The following KCNB2 variants were observed in gnomAD, a reference collection of about 807,000 sequenced individuals.
KCNB2 encodes potassium voltage-gated channel subfamily B member 2, also known as delayed rectifier potassium channel protein.
Under a neutral mutation model 61.5 loss-of-function variants are expected in KCNB2, and 15 were observed. The ratio of observed to expected loss-of-function variants is 0.24; its 90% confidence interval spans 0.16 to 0.38. KCNB2 has a LOEUF of 0.38. Among genes scored for constraint, KCNB2 ranks in the 10% least tolerant of loss-of-function variants. The pLI is 1.00. For missense variants in KCNB2, 828 were observed against 1,125.2 expected (o/e 0.74, Z 3.78); for synonymous variants, 457 against 446.0 (o/e 1.02, Z -0.31).
intron 2 of KCNB2, among the ~76,000 whole-genome samples, chr8:72,627,269 G>A (rs1805804670): frequency 1.3e-5 from 2 of 152,336 alleles, no homozygotes; most frequent in Admixed American, 6.5e-5. Flanking sequence ...TTTAGAGAAG[G>A]AGGTCACTAG....
chr8:72,658,022 C>T (rs1245748129), intron 2 of KCNB2, among the ~76,000 whole-genome samples: 4 of 152,058 alleles, frequency 2.6e-5, no homozygotes, highest in Non-Finnish European at 4.4e-5. Flanking sequence ...GAAATTAGGC[C>T]AATAGTAAAC....
chr8:72,704,312 A>G (rs1256667609), intron 2 of KCNB2, among the ~76,000 whole-genome samples: 2 of 152,142 alleles, frequency 1.3e-5, no homozygotes, highest in African/African-American at 2.4e-5. Context: ...ATCTCATTTA[A>G]TGAGTTGTGT....
At chr8:72,809,596 A>G (rs556540110) in intron 2 of KCNB2, among the ~76,000 whole-genome samples, 1 of 152,286 alleles carries the variant, frequency 6.6e-6, no homozygotes, top group Non-Finnish European at 1.5e-5. Context: ...CATCTTTAAA[A>G]CGAATCCATA....
At chr8:72,554,449 G>A (rs1400640622) in intron 1 of KCNB2, among the ~76,000 whole-genome samples, 5 of 152,084 alleles carry the variant, frequency 3.3e-5, no homozygotes, top group Non-Finnish European at 2.9e-5. Context: ...CAACTCACCA[G>A]TATTTATAGG....
At chr8:72,768,028 G>A (rs1034037213) in intron 2 of KCNB2, among the ~76,000 whole-genome samples, 1 of 152,134 alleles carries the variant, frequency 6.6e-6, no homozygotes, top group African/African-American at 2.4e-5. Context: ...GGAGAAAAGT[G>A]TATTCAAATC....
chr8:72,829,418 G>A (rs188302149), intron 2 of KCNB2, among the ~76,000 whole-genome samples: 1 of 152,190 alleles, frequency 6.6e-6, no homozygotes, highest in Non-Finnish European at 1.5e-5. Flanking sequence ...TCAGAAAGTT[G>A]TTCTTTGATT....
chr8:72,688,755 C>T (rs1418702034), intron 2 of KCNB2, among the ~76,000 whole-genome samples: 1 of 152,014 alleles, frequency 6.6e-6, no homozygotes, highest in African/African-American at 2.4e-5. Context: ...TAGACAAGGT[C>T]TCACTCTGTT....
intron 2 of KCNB2, among the ~76,000 whole-genome samples, chr8:72,640,722 T>G (rs564979604): frequency 6.6e-6 from 1 of 152,256 alleles, no homozygotes; most frequent in South Asian, 2.1e-4. Flanking sequence ...AATTATAGTT[T>G]ATAAACTATT....
rs185038254 is a variant in KCNB2, at chr8:72,767,980, T to C, written c.580-167955T>C. On this transcript the variant is annotated intron_variant, in intron 2 of 2. Transcript: ENST00000523207. The stretch of plus-strand genomic sequence containing the variant: ...CCCTAAGGGTTAATGATGTTTTACA[T>C]CGTTTCATGTGTTTATTGGCCTTTG... 2.1e-3 allele frequency among the ~76,000 whole-genome samples: 325 copies of C among 152,346 alleles called. 2 individuals are homozygous for C. The highest frequency in any genetic ancestry group is 7.6e-3 in the African/African-American group (315 of 41,580).
intron 2 of KCNB2, among the ~76,000 whole-genome samples, chr8:72,852,871 C>G (rs1237085074): frequency 6.6e-6 from 1 of 152,204 alleles, no homozygotes; most frequent in Non-Finnish European, 1.5e-5. Flanking sequence ...GTGATCATAA[C>G]ACTTTCTCAT....
intron 2 of KCNB2, among the ~76,000 whole-genome samples, chr8:72,869,146 G>A (rs1354489683): frequency 6.6e-6 from 1 of 152,170 alleles, no homozygotes; most frequent in African/African-American, 2.4e-5. Context: ...ATAAGAACTG[G>A]GGTATGGTTG....
At chr8:72,564,076 G>T (rs536141832) in intron 1 of KCNB2, among the ~76,000 whole-genome samples, 1 of 152,254 alleles carries the variant, frequency 6.6e-6, no homozygotes, top group South Asian at 2.1e-4. Flanking sequence ...TCTTATAATA[G>T]AAAGTTCTTG....
At chr8:72,758,209 A>G (rs1345571599) in intron 2 of KCNB2, among the ~76,000 whole-genome samples, 1 of 152,222 alleles carries the variant, frequency 6.6e-6, no homozygotes, top group African/African-American at 2.4e-5. Flanking sequence ...AGAAGATTCG[A>G]AAAGGAAGTT....
At chr8:72,604,872 A>G (rs560027457) in intron 2 of KCNB2, among the ~76,000 whole-genome samples, 1 of 152,324 alleles carries the variant, frequency 6.6e-6, no homozygotes, top group South Asian at 2.1e-4. Flanking sequence ...CTATCCATCA[A>G]TCATACCTTC....
chr8:72,891,026 G>A (rs1278451636), intron 2 of KCNB2, among the ~76,000 whole-genome samples: 2 of 152,232 alleles, frequency 1.3e-5, no homozygotes, highest in East Asian at 1.9e-4. Context: ...TTACATAAGC[G>A]AAGACTGAAT....
At chr8:72,553,138 T>C (rs1806371387) in intron 1 of KCNB2, among the ~76,000 whole-genome samples, 1 of 152,146 alleles carries the variant, frequency 6.6e-6, no homozygotes, top group Non-Finnish European at 1.5e-5. Context: ...TCAGAAATGA[T>C]GATAGCTCTT....
intron 2 of KCNB2, among the ~76,000 whole-genome samples, chr8:72,808,928 C>G (rs1355819728): frequency 6.6e-6 from 1 of 152,126 alleles, no homozygotes; most frequent in Non-Finnish European, 1.5e-5. Flanking sequence ...TTTAATTGTT[C>G]ACACAATTCT....
intron 2 of KCNB2, among the ~76,000 whole-genome samples, chr8:72,821,659 A>AAAAAAAAAAAAAAAAAAAAAAAC (rs1554535735): frequency 8.5e-6 from 1 of 117,092 alleles, no homozygotes. Context: ...AAAAAAAAAA[A>AAAAAAAAAAAAAAAAAAAAAAAC]ACACACACAC....
At chr8:72,681,710 A>G (rs529662384) in intron 2 of KCNB2, among the ~76,000 whole-genome samples, 5 of 152,350 alleles carry the variant, frequency 3.3e-5, no homozygotes, top group Admixed American at 2.0e-4. Flanking sequence ...CTCTATTTTT[A>G]TACAACCAGC....
Sources: allele counts gnomAD v4.1 joint callset (sites outside exome capture counted in the v4.1 genomes callset), GRCh38; gene constraint gnomAD v4.1.1; transcripts MANE v1.5; gene names NCBI Gene and HGNC (gene_info 2026-07-23, HGNC 2026-07-21).